The following TMEM114 variants were observed in gnomAD, a reference collection of about 807,000 sequenced individuals.
TMEM114 encodes the protein claudin-26.
A neutral mutation model predicts 6.2 loss-of-function variants in TMEM114; 6 were observed. The observed-to-expected ratio is 0.97, with a 90% CI of 0.53 to 1.91. The LOEUF is 1.91. TMEM114 is among the 40% of genes most tolerant of loss of function. The probability of loss-of-function intolerance (pLI) is 0.01; values close to 1 mark genes in which losing one functional copy is unlikely to be tolerated. For synonymous variants in TMEM114, 104 were observed against 73.0 expected (o/e 1.42, Z -2.16); for missense variants, 218 against 158.3 (o/e 1.38, Z -2.02).
At chr16:8,555,023 C>G (rs1489486041) in intron 2 of TMEM114, among the ~76,000 whole-genome samples, 1 of 152,184 alleles carries the variant, frequency 6.6e-6, no homozygotes, top group Non-Finnish European at 1.5e-5. Flanking sequence ...GCCTTCAGTA[C>G]CAGGGCCTTC....
intron 2 of TMEM114, among the ~76,000 whole-genome samples, chr16:8,553,117 G>C (rs1291866164): frequency 6.6e-6 from 1 of 152,210 alleles, no homozygotes; most frequent in Non-Finnish European, 1.5e-5. Flanking sequence ...GGCCAGGATG[G>C]AGATGACAGG....
chr16:8,581,253 G>A (rs79783762), intron 2 of TMEM114, among the ~76,000 whole-genome samples: 2,128 of 152,168 alleles, frequency 0.014, 28 homozygotes, highest in South Asian at 0.039. Flanking sequence ...TCTTTTTATA[G>A]GCTATGTAAT....
At chr16:8,560,571 A>G (rs1179450707) in intron 2 of TMEM114, among the ~76,000 whole-genome samples, 1 of 152,082 alleles carries the variant, frequency 6.6e-6, no homozygotes, top group African/African-American at 2.4e-5. Flanking sequence ...AAAGGGAGGG[A>G]GGTAGCCCGG....
rs1186395746 is a variant in TMEM114 at position 8,569,749 on chromosome 16, C to T, written c.*24G>A. 6.5e-7 allele frequency: 1 copy of T among 1,531,834 alleles called. No individual in the cohort carries two copies. Among genetic ancestry groups the T allele is most frequent in the Non-Finnish European group, 8.8e-7 (1 of 1,133,688 alleles). 94.9% of individuals were successfully genotyped at this position (1,531,834 alleles called of 1,614,324 possible). A position where few individuals can be genotyped will look rare whatever the true frequency, so the allele number is the denominator to read the frequency against. On this transcript the variant is annotated 3_prime_UTR_variant, in exon 4 of 4. Transcript: ENST00000620492. ...AGCTCCGGGGCCAAGCCCCTCCCTC[C>T]CCTCCACGACCCAGCGCCCAGGCTC...
chr16:8,575,646 T>A (rs574474298), intron 2 of TMEM114, among the ~76,000 whole-genome samples: 1 of 152,322 alleles, frequency 6.6e-6, no homozygotes, highest in African/African-American at 2.4e-5. Flanking sequence ...CTTTATAACC[T>A]TCAAGCCTCA....
intron 2 of TMEM114, among the ~76,000 whole-genome samples, chr16:8,545,736 C>G (rs991051463): frequency 1.3e-5 from 2 of 152,192 alleles, no homozygotes; most frequent in Non-Finnish European, 2.9e-5. Context: ...TCTCCCTTCT[C>G]CAACTATATT....
At chr16:8,587,454 C>T (rs1902351400) in intron 2 of TMEM114, among the ~76,000 whole-genome samples, 1 of 152,186 alleles carries the variant, frequency 6.6e-6, no homozygotes, top group Non-Finnish European at 1.5e-5. Context: ...ATACAATTTG[C>T]ACTTAGCAGT....
intron 3 of TMEM114, among the ~76,000 whole-genome samples, chr16:8,570,455 C>G (rs1053319683): frequency 8.5e-5 from 13 of 152,168 alleles, no homozygotes; most frequent in Non-Finnish European, 1.5e-4. Context: ...CCTCAGCCTC[C>G]TGAGTAGCTG....
At chr16:8,537,367 G>C (rs1383796855), downstream of TMEM114, among the ~76,000 whole-genome samples, 1 of 152,098 alleles carries the variant, frequency 6.6e-6, no homozygotes, top group East Asian at 1.9e-4. Context: ...CAAGCGCGAT[G>C]GCACACGCCT....
chr16:8,536,979 G>T (rs1006481551), downstream of TMEM114, among the ~76,000 whole-genome samples: 2 of 151,836 alleles, frequency 1.3e-5, no homozygotes, highest in Non-Finnish European at 2.9e-5. Context: ...GCCAAAGTGG[G>T]AGGATCATTT....
At chr16:8,553,756 C>T (rs533438641) in intron 2 of TMEM114, among the ~76,000 whole-genome samples, 16 of 152,254 alleles carry the variant, frequency 1.1e-4, no homozygotes, top group African/African-American at 3.9e-4. Flanking sequence ...GCTGGGATTA[C>T]AGGCGTGAGC....
At chr16:8,550,584 A>C (rs1218967435) in intron 2 of TMEM114, among the ~76,000 whole-genome samples, 1 of 152,024 alleles carries the variant, frequency 6.6e-6, no homozygotes, top group Non-Finnish European at 1.5e-5. Flanking sequence ...AGGCTGAGGC[A>C]GAAGAATTGC....
At position 8,549,495 on chromosome 16, in the gene TMEM114, C is replaced by T. The variant is rs1211738079; in HGVS notation, n.213-11669G>A. ...AGCCTGGGCAACAAGAGCAAAACTC[C>T]GTCTCGAAAAAAAAAAAAAAAAGAA... is the stretch of plus-strand genomic sequence containing the variant. On this transcript the variant is annotated intron_variant and non_coding_transcript_variant, in intron 2 of 2. Transcript: ENST00000623677. Among the ~76,000 whole-genome samples, 7 of 129,386 alleles carry T rather than the reference C, an allele frequency of 5.4e-5. No homozygotes were observed. In the East Asian group the frequency reaches 1.1e-3, roughly 21 times the overall value. The allele number at this position is 129,386 out of a possible 152,430, so 84.9% of individuals were successfully genotyped here. A position where few individuals can be genotyped will look rare whatever the true frequency, so the allele number is the denominator to read the frequency against.
At chr16:8,533,647 T>A (rs771847695), downstream of TMEM114, among the ~76,000 whole-genome samples, 7 of 152,222 alleles carry the variant, frequency 4.6e-5, no homozygotes, top group Non-Finnish European at 4.4e-5. Context: ...GAAGTACCAA[T>A]TGAGTGTTAC....
At chr16:8,568,557 G>C (rs1901620977), downstream of TMEM114, among the ~76,000 whole-genome samples, 1 of 152,210 alleles carries the variant, frequency 6.6e-6, no homozygotes, top group Non-Finnish European at 1.5e-5. Context: ...GATGATGACA[G>C]TGTTGACGTC....
downstream of TMEM114, among the ~76,000 whole-genome samples, chr16:8,566,931 C>A (rs984906756): frequency 8.1e-6 from 1 of 123,946 alleles, no homozygotes; most frequent in Admixed American, 9.7e-5. Flanking sequence ...GATGGAGTCT[C>A]ACTCTGTCAC....
rs142696559 is a variant in TMEM114, at chr16:8,547,606, T to A, written n.213-9780A>T. Among the ~76,000 whole-genome samples, 850 of 152,210 alleles carry A rather than the reference T, an allele frequency of 5.6e-3. 6 individuals are homozygous for A. The highest frequency in any genetic ancestry group is 0.019 in the African/African-American group (806 of 41,516). ...CAGGGTTTCACCATCTTGGCCAGAC[T>A]GGTCTTGAACTCCTGACCTTGTGAT... On this transcript the variant is annotated intron_variant and non_coding_transcript_variant, in intron 2 of 2. Coordinates refer to the TMEM114 transcript ENST00000623677.
At chr16:8,531,255 G>C in the TMEM114 span, among the ~76,000 whole-genome samples, 4 of 152,242 alleles carry the variant, frequency 2.6e-5, no homozygotes, top group East Asian at 7.7e-4. Flanking sequence ...TTCTTTATGA[G>C]TCCTTAGCAT....
intron 2 of TMEM114, among the ~76,000 whole-genome samples, chr16:8,575,700 A>G (rs770706735): frequency 6.6e-5 from 10 of 152,228 alleles, no homozygotes; most frequent in Non-Finnish European, 1.3e-4. Context: ...TATGCACTTT[A>G]CAGGATTGTG....
Sources: allele counts gnomAD v4.1 joint callset (sites outside exome capture counted in the v4.1 genomes callset), GRCh38; gene constraint gnomAD v4.1.1; transcripts MANE v1.5; gene names NCBI Gene and HGNC (gene_info 2026-07-23, HGNC 2026-07-21).